Variants in PPARD observed in about 807,000 individuals in gnomAD.
The protein encoded by PPARD is peroxisome proliferator activated receptor delta.
A neutral mutation model predicts 39.5 loss-of-function variants in PPARD; 6 were observed. That is an observed-to-expected ratio of 0.15 (90% confidence interval 0.08 to 0.30). The LOEUF (loss-of-function observed/expected upper bound fraction) is 0.30, where lower values mean the gene tolerates loss of function less well. Among genes scored for constraint, PPARD ranks in the 10% least tolerant of loss-of-function variants. The pLI, the probability that PPARD is intolerant of heterozygous loss-of-function variation, is 1.00. For missense variants in PPARD, 397 were observed against 596.8 expected (o/e 0.67, Z 3.49); for synonymous variants, 210 against 231.3 (o/e 0.91, Z 0.83).
intron 2 of PPARD, among the ~76,000 whole-genome samples, chr6:35,380,248 C>T (rs971370900): frequency 6.6e-6 from 1 of 152,166 alleles, no homozygotes. Flanking sequence ...ACCCAGACTC[C>T]TTCCAATTCT....
Position 35,371,895 on chromosome 6 carries a change from C to T in PPARD, c.-102+24745C>T, listed in dbSNP as rs79229243. ...ACACAGTGATTACATATTTATTACTCTGTTTGAGCTCCCCTAGTCCAAAGG... is the reference window on the plus strand; with the variant it reads ...ACACAGTGATTACATATTTATTACTTTGTTTGAGCTCCCCTAGTCCAAAGG... On this transcript the variant is annotated intron_variant, in intron 2 of 7. Coordinates refer to ENST00000360694, the MANE Select transcript of PPARD (RefSeq NM_006238.5). 3.3e-4 allele frequency among the ~76,000 whole-genome samples: 51 copies of T among 152,340 alleles called. No homozygotes were observed. The East Asian group carries it at 9.4e-3, about 28-fold the overall frequency.
At chr6:35,411,406 T>G (rs556832493) in intron 3 of PPARD, among the ~76,000 whole-genome samples, 189 bp downstream of exon 3, 1 of 152,314 alleles carries the variant, frequency 6.6e-6, no homozygotes, top group South Asian at 2.1e-4. Flanking sequence ...CAGTGGGGCC[T>G]GGAGCAAGCT....
intron 3 of PPARD, among the ~76,000 whole-genome samples, chr6:35,416,471 T>G (rs1005062010): frequency 1.3e-5 from 2 of 149,366 alleles, no homozygotes; most frequent in South Asian, 2.1e-4. Flanking sequence ...CAAGTTGATA[T>G]GTAAGACCAA....
chr6:35,358,902 G>A (rs940623125), intron 2 of PPARD, among the ~76,000 whole-genome samples: 1 of 152,234 alleles, frequency 6.6e-6, no homozygotes, highest in Non-Finnish European at 1.5e-5. Flanking sequence ...GGTAACTGAG[G>A]TGGGGGAAGT....
intron 2 of PPARD, among the ~76,000 whole-genome samples, chr6:35,357,646 C>T (rs1214825988): frequency 6.6e-6 from 1 of 152,004 alleles, no homozygotes; most frequent in East Asian, 1.9e-4. Flanking sequence ...AAGCAATTCT[C>T]CTACCTCAGC....
rs1050739524 is a variant in PPARD at position 35,401,214 on chromosome 6, T to G, written c.-101-9773T>G. 3.9e-5 allele frequency among the ~76,000 whole-genome samples: 6 copies of G among 152,112 alleles called. No individual in the cohort carries two copies. The highest frequency in any genetic ancestry group is 2.6e-4 in the Admixed American group (4 of 15,272). On this transcript the variant is annotated intron_variant, in intron 2 of 7. Transcript: ENST00000360694. This position sits in a 1 kb window ranked among gnomAD's most constrained non-coding sequence, Gnocchi z 4.1. The stretch of plus-strand genomic sequence containing the variant: ...AGTCAGGGCCCCATCCCTCAACTCC[T>G]CAGCCTGAGTCTTCCCAGGAACACA...
rs565895740 is a variant in PPARD at position 35,391,703 on chromosome 6, C to G, written c.-101-19284C>G. On this transcript the variant is annotated intron_variant, in intron 2 of 7. Coordinates refer to ENST00000360694, the MANE Select transcript of PPARD (RefSeq NM_006238.5). ...TAAGAAACATCCTAGTATAGTCAGA[C>G]AAGCTCTGGAAGCCAGTATGTCAGG... Among the ~76,000 whole-genome samples the G allele has an allele frequency of 1.4e-4, 22 of 152,312 alleles. No individual in the cohort carries two copies. The East Asian group carries it at 3.7e-3, about 25-fold the overall frequency.
At chr6:35,384,674 C>T (rs866103673) in intron 2 of PPARD, among the ~76,000 whole-genome samples, 277 of 78,618 alleles carry the variant, frequency 3.5e-3, no homozygotes, top group South Asian at 6.9e-3. Context: ...GGGTCAGCCC[C>T]CCGCCTGGCC....
chr6:35,369,703 A>T (rs1354052212), intron 2 of PPARD, among the ~76,000 whole-genome samples: 1 of 152,264 alleles, frequency 6.6e-6, no homozygotes. Flanking sequence ...ATTCATTCTT[A>T]TGAGAATATC....
At chr6:35,356,681 C>T (rs1232482339) in intron 2 of PPARD, among the ~76,000 whole-genome samples, 4 of 152,190 alleles carry the variant, frequency 2.6e-5, no homozygotes, top group African/African-American at 7.2e-5. Flanking sequence ...GCCAGTGACA[C>T]TCTTCTCCCC....
At chr6:35,422,357 T>C (rs1766229157) in intron 5 of PPARD, among the ~76,000 whole-genome samples, 1 of 152,174 alleles carries the variant, frequency 6.6e-6, no homozygotes, top group Non-Finnish European at 1.5e-5. Flanking sequence ...GTGGCCCTTC[T>C]TGGTTATAGA....
At chr6:35,409,143 T>C (rs1765260238) in intron 2 of PPARD, among the ~76,000 whole-genome samples, 1 of 152,162 alleles carries the variant, frequency 6.6e-6, no homozygotes. Context: ...CTTGAGCTGA[T>C]TGAATGTTGA....
At chr6:35,343,072 C>T (rs568597732) in intron 1 of PPARD, among the ~76,000 whole-genome samples, 2 of 152,346 alleles carry the variant, frequency 1.3e-5, no homozygotes, top group South Asian at 4.1e-4. Flanking sequence ...CCTCTGACCT[C>T]TTCCTTCACC....
intron 2 of PPARD, among the ~76,000 whole-genome samples, chr6:35,369,629 A>G (rs186479508): frequency 1.6e-4 from 25 of 152,348 alleles, no homozygotes; most frequent in African/African-American, 5.3e-4. Context: ...AACCTGCTTT[A>G]AACATTTATA....
chr6:35,424,888 C>T lies in PPARD; in HGVS notation c.1078+109C>T. The T allele has an allele frequency of 6.7e-7, 1 of 1,484,512 alleles. No individual in the cohort carries two copies. 92.0% of individuals were successfully genotyped at this position (1,484,512 alleles called of 1,614,324 possible). ...AGCTCTGACAGTGTGGGGAAGTGTC[C>T]CTGTGATCTTGGCAGTGGAACATGC... On this transcript the variant is annotated intron_variant, in intron 7 of 7. Transcript: ENST00000360694. The surrounding 1 kb of genome is among the most constrained non-coding windows in gnomAD (Gnocchi z 7.1).
chr6:35,354,729 C>T (rs967763507), intron 2 of PPARD, among the ~76,000 whole-genome samples: 38 of 152,150 alleles, frequency 2.5e-4, no homozygotes, highest in African/African-American at 8.9e-4. Flanking sequence ...GGCACATTTG[C>T]AGTAGGCTAT....
intron 2 of PPARD, among the ~76,000 whole-genome samples, chr6:35,385,892 A>G (rs1218149017): frequency 6.6e-6 from 1 of 152,014 alleles, no homozygotes; most frequent in Non-Finnish European, 1.5e-5. Context: ...CCAGCCAAGA[A>G]CAGAATGGGG....
chr6:35,415,480 A>G (rs1476414645), intron 3 of PPARD, among the ~76,000 whole-genome samples: 1 of 152,206 alleles, frequency 6.6e-6, no homozygotes, highest in Non-Finnish European at 1.5e-5. Context: ...TAAGGTCAAT[A>G]GTGTCTATTT....
intron 2 of PPARD, among the ~76,000 whole-genome samples, chr6:35,399,670 C>CT (rs965706306): frequency 6.6e-6 from 1 of 152,134 alleles, no homozygotes; most frequent in Admixed American, 6.5e-5. Context: ...GAGGTCACAC[C>CT]TGCACCCCAG....
Sources: allele counts gnomAD v4.1 joint callset (sites outside exome capture counted in the v4.1 genomes callset), GRCh38; gene constraint gnomAD v4.1.1; non-coding constraint Gnocchi (gnomAD v3.1); transcripts MANE v1.5; gene names NCBI Gene and HGNC (gene_info 2026-07-23, HGNC 2026-07-21).